Variants in ANAPC1 observed in about 807,000 individuals in gnomAD.
The protein encoded by ANAPC1 is anaphase promoting complex subunit 1, also known as anaphase-promoting complex subunit 1.
Under a neutral mutation model 208.0 loss-of-function variants are expected in ANAPC1, and 36 were observed. The ratio of observed to expected loss-of-function variants is 0.17; its 90% CI spans 0.13 to 0.23. The LOEUF is 0.23. ANAPC1 is among the 10% of genes least tolerant of loss of function. The pLI is 1.00. For synonymous variants in ANAPC1, 378 were observed against 695.2 expected (o/e 0.54, Z 7.18); for missense variants, 942 against 2,011.6 (o/e 0.47, Z 10.17).
chr2:111,801,358 T>TAA lies in ANAPC1; in HGVS notation c.4222-489_4222-488dup, dbSNP rs752955666. On this transcript the variant is annotated intron_variant, in intron 33 of 47. Coordinates refer to ENST00000341068, the MANE Select transcript of ANAPC1 (RefSeq NM_022662.4). ...GGCCACAGAGTGAGACTCCATCTCA[T>TAA]AAAAAAAAAAAAAAGAAAAAGAAAA... is the stretch of plus-strand genomic sequence containing the variant. 8.4e-4 allele frequency among the ~76,000 whole-genome samples: 105 copies of TAA among 125,350 alleles called. 1 individual carries two copies. The highest frequency in any genetic ancestry group is 1.8e-3 in the African/African-American group (60 of 32,736). 82.2% of individuals were successfully genotyped at this position (125,350 alleles called of 152,430 possible).
At chr2:111,852,520 C>G (rs1462727192) in intron 13 of ANAPC1, among the ~76,000 whole-genome samples, 1 of 152,176 alleles carries the variant, frequency 6.6e-6, no homozygotes, top group Admixed American at 6.5e-5. Flanking sequence ...TCAGGAGGCA[C>G]AGTGAAAATT....
At chr2:111,883,193 CAA>C (rs57137394) in intron 1 of ANAPC1, among the ~76,000 whole-genome samples, 4 of 138,172 alleles carry the variant, frequency 2.9e-5, no homozygotes, top group South Asian at 2.2e-4. Context: ...GAAAACCCCA[CAA>C]AAAAAAAAAC....
At chr2:111,846,974 T>C (rs1681124594) in intron 16 of ANAPC1, among the ~76,000 whole-genome samples, 164 bp downstream of exon 16, 1 of 152,160 alleles carries the variant, frequency 6.6e-6, no homozygotes, top group Non-Finnish European at 1.5e-5. Context: ...AGAGCGCACG[T>C]AGAGTGGACA....
chr2:111,864,634 A>G (rs1682301660), intron 8 of ANAPC1, among the ~76,000 whole-genome samples, 172 bp downstream of exon 8: 1 of 151,206 alleles, frequency 6.6e-6, no homozygotes, highest in South Asian at 2.1e-4. Context: ...CTAATTTTTT[A>G]TATTTTTGGT....
At chr2:111,881,313 C>T (rs1683286134) in intron 1 of ANAPC1, among the ~76,000 whole-genome samples, 1 of 152,126 alleles carries the variant, frequency 6.6e-6, no homozygotes, top group Non-Finnish European at 1.5e-5. Flanking sequence ...CCACACATTA[C>T]TCTAATTCAT....
chr2:111,835,022 A>T, intron 18 of ANAPC1, 150 bp from the exon 19 acceptor site: 1 of 1,012,534 alleles, frequency 9.9e-7, no homozygotes, highest in South Asian at 3.3e-5. Context: ...AATGCTAAGA[A>T]TGAAGTAACT....
chr2:111,766,324 G>C (rs1333879444), downstream of ANAPC1: 1 of 152,488 alleles, frequency 6.6e-6, no homozygotes, highest in Non-Finnish European at 1.5e-5. Context: ...ATTTCAGAGA[G>C]GGGGGAACCC....
Position 111,865,481 on chromosome 2 carries a change from T to C in ANAPC1, c.686-530A>G, listed in dbSNP as rs554749068. The stretch of plus-strand genomic sequence containing the variant: ...AAAGTACCATGGACTGGTCTCCATA[T>C]CCTTATTTGACAGGAAATGTTTCCC... On this transcript the variant is annotated intron_variant, in intron 7 of 47. Coordinates refer to ENST00000341068, the MANE Select transcript of ANAPC1 (RefSeq NM_022662.4). Among the ~76,000 whole-genome samples, 3 of 152,272 alleles carry C rather than the reference T, an allele frequency of 2.0e-5. No homozygotes were observed. The East Asian group carries it at 5.8e-4, about 29-fold the overall frequency.
At chr2:111,832,958 C>CAAAAAAAAAAAAAAA (rs1573419308) in intron 20 of ANAPC1, among the ~76,000 whole-genome samples, 1 of 60,242 alleles carries the variant, frequency 1.7e-5, no homozygotes, top group Non-Finnish European at 4.1e-5. Flanking sequence ...AAAAAAAAAG[C>CAAAAAAAAAAAAAAA]ATCCTTGACC....
intron 21 of ANAPC1, among the ~76,000 whole-genome samples, chr2:111,828,411 A>G (rs567936271): frequency 5.3e-5 from 8 of 152,338 alleles, no homozygotes; most frequent in Non-Finnish European, 1.0e-4. Flanking sequence ...CGAACTACCT[A>G]CCATATGACC....
intron 16 of ANAPC1, among the ~76,000 whole-genome samples, chr2:111,845,493 A>G (rs1445060973): frequency 1.3e-5 from 2 of 152,232 alleles, no homozygotes; most frequent in Admixed American, 6.5e-5. Flanking sequence ...CCAATGCTGC[A>G]TGAGTGTGTG....
chr2:111,879,512 A>G (rs1016343367), intron 2 of ANAPC1, among the ~76,000 whole-genome samples: 20 of 152,234 alleles, frequency 1.3e-4, no homozygotes, highest in African/African-American at 4.8e-4. Flanking sequence ...AAGGGATATG[A>G]CAATGGAATA....
intron 1 of ANAPC1, among the ~76,000 whole-genome samples, chr2:111,882,460 T>C (rs1683353084): frequency 1.3e-5 from 2 of 152,084 alleles, no homozygotes; most frequent in South Asian, 2.1e-4. Flanking sequence ...CCAGGCACGA[T>C]GGCTCACGCC....
chr2:111,808,873 C>G lies in ANAPC1; in HGVS notation c.3832+74G>C. The stretch of plus-strand genomic sequence containing the variant: ...TCTTTCCTTAATTTTTATAATTTTA[C>G]TATCACTTTTAATTGGGTTAATGTG... On this transcript the variant is annotated intron_variant, in intron 29 of 47. Coordinates refer to ENST00000341068, the MANE Select transcript of ANAPC1 (RefSeq NM_022662.4). 3 of 1,458,706 alleles carry G rather than the reference C, an allele frequency of 2.1e-6. No individual in the cohort carries two copies. The Admixed American group carries it at 5.4e-5, about 26-fold the overall frequency. The allele number at this position is 1,458,706 out of a possible 1,614,324, so 90.4% of individuals were successfully genotyped here. A position where few individuals can be genotyped will look rare whatever the true frequency, so the allele number is the denominator to read the frequency against.
chr2:111,849,285 A>G (rs1232467029), intron 14 of ANAPC1, among the ~76,000 whole-genome samples: 6 of 152,334 alleles, frequency 3.9e-5, no homozygotes, highest in South Asian at 4.1e-4. Context: ...AGGCACTATT[A>G]CCAGGCTTAT....
intron 18 of ANAPC1, among the ~76,000 whole-genome samples, chr2:111,837,047 TAA>T (rs77824420): frequency 6.9e-6 from 1 of 144,454 alleles, no homozygotes. Flanking sequence ...CATAAGACTT[TAA>T]AAAAAAAAAA....
In ANAPC1 at chr2:111,858,988, G is replaced by A. The variant is rs202187670; in HGVS notation, c.1263-587C>T. The stretch of plus-strand genomic sequence containing the variant: ...GATGAACTTTTAAATTACATACTAT[G>A]TAAGCTCCCTACTTGTAAAGTAATG... On this transcript the variant is annotated intron_variant, in intron 10 of 47. Transcript: ENST00000341068. 1.9e-3 allele frequency among the ~76,000 whole-genome samples: 286 copies of A among 152,226 alleles called. 2 individuals are homozygous for A. The highest frequency in any genetic ancestry group is 6.4e-3 in the African/African-American group (264 of 41,546).
At chr2:111,832,282 G>A (rs1235983103) in intron 20 of ANAPC1, among the ~76,000 whole-genome samples, 6 of 140,802 alleles carry the variant, frequency 4.3e-5, no homozygotes, top group African/African-American at 1.1e-4. Flanking sequence ...CCGTCTGGGC[G>A]ACAGAGTGAG....
At chr2:111,883,099 G>A (rs1683402301) in intron 1 of ANAPC1, among the ~76,000 whole-genome samples, 1 of 145,434 alleles carries the variant, frequency 6.9e-6, no homozygotes, top group Admixed American at 7.1e-5. Context: ...ACGGGAGCCA[G>A]AGGTTACAGT....
Sources: allele counts gnomAD v4.1 joint callset (sites outside exome capture counted in the v4.1 genomes callset), GRCh38; gene constraint gnomAD v4.1.1; transcripts MANE v1.5; gene names NCBI Gene and HGNC (gene_info 2026-07-23, HGNC 2026-07-21).